Variants in PSME2 observed in about 807,000 individuals in gnomAD.
PSME2 encodes the protein proteasome activator complex subunit 2.
Under a neutral mutation model 38.8 loss-of-function variants are expected in PSME2, and 20 were observed. The observed-to-expected ratio is 0.52, with a 90% CI of 0.36 to 0.75. The LOEUF is 0.75. Among genes scored for constraint, PSME2 ranks in the 30% least tolerant of loss-of-function variants. The pLI, the probability that PSME2 is intolerant of heterozygous loss-of-function variation, is 0.00. For synonymous variants in PSME2, 82 were observed against 102.5 expected, an observed-to-expected ratio of 0.80 and a Z score of 1.21; for missense variants, 227 against 287.6, an observed-to-expected ratio of 0.79 and a Z score of 1.52.
intron 2 of PSME2, 40 bp downstream of exon 2, chr14:24,146,168 C>T: frequency 1.2e-6 from 2 of 1,606,680 alleles, no homozygotes; most frequent in Non-Finnish European, 1.7e-6. Flanking sequence ...AAGTATTGGT[C>T]CAAGATTCTG....
intron 1 of PSME2, 92 bp from the exon 2 acceptor site, chr14:24,146,332 G>T (rs2038155997): frequency 6.6e-7 from 1 of 1,525,070 alleles, no homozygotes; most frequent in African/African-American, 1.4e-5. Flanking sequence ...TGTGGCTCAG[G>T]CCTTTCTCAC....
intron 6 of PSME2, 51 bp from the exon 7 acceptor site, chr14:24,144,519 T>C: frequency 1.3e-6 from 2 of 1,533,148 alleles, no homozygotes; most frequent in Non-Finnish European, 1.8e-6. Flanking sequence ...TACTGAGTTC[T>C]TCCTATTACT....
rs201485409 is a variant in PSME2 at position 24,146,126 on chromosome 14, T to TG, written c.81+81dup. 970 of 1,527,810 alleles carry TG rather than the reference T, an allele frequency of 6.3e-4. 16 individuals are homozygous for TG. In the East Asian group the frequency reaches 0.017, roughly 27 times the overall value. 94.6% of individuals were successfully genotyped at this position (1,527,810 alleles called of 1,614,324 possible). A position where few individuals can be genotyped will look rare whatever the true frequency, so the allele number is the denominator to read the frequency against. On this transcript the variant is annotated intron_variant, in intron 2 of 10. Transcript: ENST00000216802. Reference sequence around the variant, plus strand: ...AAGTAGGGTTAAGTCTAGGGTGACTTGGGGGGGTCATTCTGAGAGGCTGTT... The same window carrying TG: ...AAGTAGGGTTAAGTCTAGGGTGACTTGGGGGGGGTCATTCTGAGAGGCTGTT...
chr14:24,145,370 G>A lies in PSME2; in HGVS notation c.231+9C>T. 6.2e-7 allele frequency: 1 copy of A among 1,603,200 alleles called. No individual in the cohort carries two copies. Among genetic ancestry groups the A allele is most frequent in the Non-Finnish European group, 8.5e-7 (1 of 1,173,996 alleles). On this transcript the variant is annotated intron_variant, in intron 4 of 10. Coordinates refer to ENST00000216802, the MANE Select transcript of PSME2 (RefSeq NM_002818.3). The stretch of plus-strand genomic sequence containing the variant: ...TTATAGTCCAAGTCCTGCACCCTGA[G>A]TGCCTCACCTCATCATCCTTGGGTG...
At position 24,143,602 on chromosome 14, in the gene PSME2, C is replaced by T; in HGVS notation, c.622G>A (p.Asp208Asn). 3 of 1,614,132 alleles carry T rather than the reference C, an allele frequency of 1.9e-6. No homozygotes were observed. Among genetic ancestry groups the T allele is most frequent in the Non-Finnish European group, 2.5e-6 (3 of 1,180,034 alleles). The change falls in exon 10 of 11, where the codon GAC becomes AAC. Residue 208 changes from aspartate to asparagine, a missense_variant. Asp to Asn is a conservative substitution (Grantham distance 23). Around this residue, in one of 3 missense-constraint regions of PSME2, gnomAD observed 99 missense variants for 113.9 expected, o/e 0.87. Transcript: ENST00000216802. The surrounding 1 kb of genome is among the most constrained non-coding windows in gnomAD (Gnocchi z 4.4). Reference protein sequence around the residue: ...AYGELRAMVLDLRAFYAELYH... With the variant: ...AYGELRAMVLNLRAFYAELYH... ...ACACTCACATAGAAGGCCCTCAGGT[C>T]CAGCACCATGGCCCTGAGCTCCCCA...
rs1028395073 is a variant in PSME2 at position 24,143,839 on chromosome 14, A to G, written c.552+136T>C. The G allele has an allele frequency of 3.7e-6, 5 of 1,341,310 alleles. No homozygotes were observed. Among genetic ancestry groups the G allele is most frequent in the Non-Finnish European group, 5.3e-6 (5 of 950,778 alleles). The allele number at this position is 1,341,310 out of a possible 1,614,324, so 83.1% of individuals were successfully genotyped here. A position where few individuals can be genotyped will look rare whatever the true frequency, so the allele number is the denominator to read the frequency against. On this transcript the variant is annotated intron_variant, in intron 9 of 10. Transcript: ENST00000216802. This position sits in a 1 kb window ranked among gnomAD's most constrained non-coding sequence, Gnocchi z 4.4. Reference sequence around the variant, plus strand: ...AAAGGGTCAAGGTTGTTGAAGCCCAAACCAGTTTTTCTAGGTAATGCTTTT... The same window carrying G: ...AAAGGGTCAAGGTTGTTGAAGCCCAGACCAGTTTTTCTAGGTAATGCTTTT...
chr14:24,145,212 C>T (rs755505204), intron 5 of PSME2, 31 bp downstream of exon 5: 27 of 1,613,374 alleles, frequency 1.7e-5, no homozygotes, highest in Non-Finnish European at 2.2e-5. Flanking sequence ...GTGCCATCAC[C>T]CCTTCCCTAG....
rs1263720739 is a variant in PSME2, at chr14:24,146,605, G to A, written c.-24C>T. On this transcript the variant is annotated 5_prime_UTR_variant, in exon 1 of 11. Transcript: ENST00000216802. ...ATGCTGCTTCAGTCGCTAGATCTCT[G>A]GTCTCCCGGCTAGTCGCCCGGGCTT... 6.2e-7 allele frequency: 1 copy of A among 1,612,056 alleles called. No homozygotes were observed. Among genetic ancestry groups the A allele is most frequent in the Non-Finnish European group, 8.5e-7 (1 of 1,180,004 alleles).
At position 24,143,392 on chromosome 14, in the gene PSME2, T is replaced by C; in HGVS notation, c.*17A>G. The C allele has an allele frequency of 6.3e-7, 1 of 1,597,454 alleles. No homozygotes were observed. Among genetic ancestry groups the C allele is most frequent in the East Asian group, 2.2e-5 (1 of 44,804 alleles). ...CACACAACATATAGATCATTTATTTTCCTTCTAGTCCCGGGTTCAGTACAT... is the reference window on the plus strand; with the variant it reads ...CACACAACATATAGATCATTTATTTCCCTTCTAGTCCCGGGTTCAGTACAT... On this transcript the variant is annotated 3_prime_UTR_variant, in exon 11 of 11. Transcript: ENST00000216802. This position sits in a 1 kb window ranked among gnomAD's most constrained non-coding sequence, Gnocchi z 4.4.
At chr14:24,144,792 C>T (rs2038125033) in intron 6 of PSME2, 3 of 573,344 alleles carry the variant, frequency 5.2e-6, no homozygotes, top group Non-Finnish European at 9.3e-6. Context: ...CTCACTATAT[C>T]ATACCACCTC....
intron 2 of PSME2, 81 bp downstream of exon 2, chr14:24,146,127 G>A: frequency 6.6e-7 from 1 of 1,513,908 alleles, no homozygotes; most frequent in Non-Finnish European, 9.2e-7. Flanking sequence ...AGGGTGACTT[G>A]GGGGGGTCAT....
At chr14:24,146,457 G>T in intron 1 of PSME2, 77 bp downstream of exon 1, 1 of 1,583,646 alleles carries the variant, frequency 6.3e-7, no homozygotes, top group Non-Finnish European at 8.7e-7. Context: ...GGCACTGCTT[G>T]GTCCCCTGAA....
At chr14:24,144,935 G>T in intron 6 of PSME2, 123 bp downstream of exon 6, 2 of 967,328 alleles carry the variant, frequency 2.1e-6, no homozygotes, top group Non-Finnish European at 3.2e-6. Flanking sequence ...TAAGCCCAAG[G>T]CACAGAAGGA....
Position 24,146,149 on chromosome 14 carries a change from G to A in PSME2, c.81+59C>T, listed in dbSNP as rs1594370791. On this transcript the variant is annotated intron_variant, in intron 2 of 10. Transcript: ENST00000216802. ...CTTGGGGGGGTCATTCTGAGAGGCTGTTATCCTCAAGTATTGGTCCAAGAT... is the reference window on the plus strand; with the variant it reads ...CTTGGGGGGGTCATTCTGAGAGGCTATTATCCTCAAGTATTGGTCCAAGAT... 6.3e-6 allele frequency: 10 copies of A among 1,584,778 alleles called. No homozygotes were observed. The South Asian group carries it at 1.0e-4, about 16-fold the overall frequency.
At position 24,145,866 on chromosome 14, in the gene PSME2, T is replaced by C. The variant is rs758718463; in HGVS notation, c.82-94A>G. The C allele has an allele frequency of 4.5e-6, 6 of 1,341,670 alleles. No homozygotes were observed. The East Asian group carries it at 1.4e-4, about 31-fold the overall frequency. 83.1% of individuals were successfully genotyped at this position (1,341,670 alleles called of 1,614,324 possible). On this transcript the variant is annotated intron_variant, in intron 2 of 10. Transcript: ENST00000216802. ...GGAAGGGCCTTTGGAAATCACTGGGTCCAAGACTTGCAAATGAGGAAACTG... is the reference window on the plus strand; with the variant it reads ...GGAAGGGCCTTTGGAAATCACTGGGCCCAAGACTTGCAAATGAGGAAACTG...
In PSME2 at chr14:24,144,222, T is replaced by C; in HGVS notation, c.467A>G (p.Lys156Arg). Residue 156 changes from lysine (K) to arginine (R), a missense_variant, in exon 8 of 11, where the codon AAA becomes AGA. Physicochemically the swap from Lys to Arg is conservative, Grantham distance 26. Transcript: ENST00000216802. Reference sequence around the variant, plus strand: ...AATGGTTGTCTGGAAAGCTTCCACTTTGGTCTTGACGGCATTCACCCTCTC... The same window carrying C: ...AATGGTTGTCTGGAAAGCTTCCACTCTGGTCTTGACGGCATTCACCCTCTC... ...VLERVNAVKT[K>R]VEAFQTTISK... 1.2e-6 allele frequency: 2 copies of C among 1,614,212 alleles called. No homozygotes were observed. Among genetic ancestry groups the C allele is most frequent in the Non-Finnish European group, 1.7e-6 (2 of 1,180,040 alleles).
In PSME2 at chr14:24,144,167, A is replaced by G. The variant is rs199619501; in HGVS notation, c.497+25T>C. 419 of 1,614,100 alleles carry G rather than the reference A, an allele frequency of 2.6e-4. 8 individuals are homozygous for G. The highest frequency in any genetic ancestry group is 1.8e-3 in the South Asian group (164 of 91,090). On this transcript the variant is annotated intron_variant, in intron 8 of 10. Transcript: ENST00000216802. ...CAAAGAAATGCTCCTACTGCCCCCA[A>G]TGCTGGTCCTCCAGCTGCCCTCACT... is the stretch of plus-strand genomic sequence containing the variant.
At position 24,145,178 on chromosome 14, in the gene PSME2, G is replaced by A. The variant is rs763931315; in HGVS notation, c.263-23C>T. On this transcript the variant is annotated intron_variant, in intron 5 of 10. Transcript: ENST00000216802. ...GGACTGTGAGAAAGAGGGGATTCAGGCCCTTTCTCATCCAGTAGTCAGTGT... is the reference window on the plus strand; with the variant it reads ...GGACTGTGAGAAAGAGGGGATTCAGACCCTTTCTCATCCAGTAGTCAGTGT... The A allele has an allele frequency of 9.3e-6, 15 of 1,611,000 alleles. No homozygotes were observed. In the East Asian group the frequency reaches 3.3e-4, roughly 36 times the overall value.
rs776562343 is a variant in PSME2, at chr14:24,145,287, G to T, written c.232-14C>A. On this transcript the variant is annotated splice_polypyrimidine_tract_variant and intron_variant, in intron 4 of 10. Transcript: ENST00000216802. ...ATCTGTTTCCATCTAAGGCAAAAAG[G>T]GGGGAAAGTAGCTTTAGAAAAGTCA... The T allele has an allele frequency of 4.3e-6, 7 of 1,614,028 alleles. No homozygotes were observed. The highest frequency in any genetic ancestry group is 1.7e-5 in the Admixed American group (1 of 60,012).
Sources: allele counts gnomAD v4.1 joint callset, GRCh38; gene constraint gnomAD v4.1.1; regional missense constraint gnomAD v4.1.1; non-coding constraint Gnocchi (gnomAD v3.1); transcripts MANE v1.5; gene names NCBI Gene and HGNC (gene_info 2026-07-23, HGNC 2026-07-21).